CADM4: variants seen among roughly 807,000 people sequenced by gnomAD.
The protein encoded by CADM4 is TSLC1-like 2.
In CADM4, 13 loss-of-function variants were observed where a neutral mutation model predicts 43.9. The observed-to-expected ratio is 0.30, with a 90% CI of 0.19 to 0.47. The LOEUF (loss-of-function observed/expected upper bound fraction) is 0.47. CADM4 is among the 20% of genes least tolerant of loss of function. The pLI, the probability that CADM4 is intolerant of heterozygous loss-of-function variation, is 1.00. For synonymous variants in CADM4, 209 were observed against 220.9 expected (o/e 0.95, Z 0.48); for missense variants, 420 against 527.0 (o/e 0.80, Z 1.99).
At chr19:43,632,683 G>T (rs1284146289) in intron 1 of CADM4, among the ~76,000 whole-genome samples, 1 of 151,888 alleles carries the variant, frequency 6.6e-6, no homozygotes, top group Admixed American at 6.6e-5. Flanking sequence ...ATCTTCCCAG[G>T]GCTGACTCCT....
Position 43,627,937 on chromosome 19 carries a change from A to C in CADM4, c.65-147T>G. ...GCACTGAACATTTCCTGCAGGCTAG[A>C]GTCCAGGACAGGGAGGAAATCTGCT... On this transcript the variant is annotated intron_variant, in intron 1 of 8. Coordinates refer to ENST00000222374, the MANE Select transcript of CADM4 (RefSeq NM_145296.2). This position sits in a 1 kb window ranked among gnomAD's most constrained non-coding sequence, Gnocchi z 4.0. 1 of 782,916 alleles carries C rather than the reference A, an allele frequency of 1.3e-6. No individual in the cohort carries two copies. Among genetic ancestry groups the C allele is most frequent in the Non-Finnish European group, 2.0e-6 (1 of 491,770 alleles). 48.5% of individuals were successfully genotyped at this position (782,916 alleles called of 1,614,324 possible). A position where few individuals can be genotyped will look rare whatever the true frequency, so the allele number is the denominator to read the frequency against.
rs1973509029 is a variant in CADM4 at position 43,625,504 on chromosome 19, C to T, written c.756-254G>A. On this transcript the variant is annotated intron_variant, in intron 6 of 8. Coordinates refer to ENST00000222374, the MANE Select transcript of CADM4 (RefSeq NM_145296.2). The surrounding 1 kb of genome is among the most constrained non-coding windows in gnomAD (Gnocchi z 4.5). ...ATCCCAGCACTTTAGGAGGCTGAGA[C>T]GGGAGGACTGCTTAAGGCCAGCAGT... is the stretch of plus-strand genomic sequence containing the variant. Among the ~76,000 whole-genome samples, 1 of 152,080 alleles carries T rather than the reference C, an allele frequency of 6.6e-6. No homozygotes were observed. Among genetic ancestry groups the T allele is most frequent in the Admixed American group, 6.6e-5 (1 of 15,266 alleles).
At chr19:43,624,017 C>A (rs530557118) in intron 8 of CADM4, 97 bp downstream of exon 8, 1 of 1,488,694 alleles carries the variant, frequency 6.7e-7, no homozygotes, top group Admixed American at 2.0e-5. Flanking sequence ...GAATCCAGAG[C>A]CTAGGCTCCG....
At chr19:43,636,447 T>G (rs909969389) in intron 1 of CADM4, among the ~76,000 whole-genome samples, 1 of 152,078 alleles carries the variant, frequency 6.6e-6, no homozygotes, top group African/African-American at 2.4e-5. Flanking sequence ...GAGCCCAGGC[T>G]CAGCACCTGC....
rs1383289490 is a variant in CADM4 at position 43,623,604 on chromosome 19, GAGAA to G, written c.1058-169_1058-166del. On this transcript the variant is annotated intron_variant, in intron 8 of 8. Transcript: ENST00000222374. The surrounding 1 kb of genome is among the most constrained non-coding windows in gnomAD (Gnocchi z 4.4). The stretch of plus-strand genomic sequence containing the variant: ...GCAGAGAAAGAGGTAAACAGTGGCA[GAGAA>G]AGAGGTAAAAGCAGAATTAGGAAGA... Among the ~76,000 whole-genome samples the G allele has an allele frequency of 6.6e-6, 1 of 152,148 alleles. No homozygotes were observed. Among genetic ancestry groups the G allele is most frequent in the Non-Finnish European group, 1.5e-5 (1 of 68,022 alleles).
At chr19:43,638,778 C>T (rs544390578) in intron 1 of CADM4, among the ~76,000 whole-genome samples, 6 of 152,324 alleles carry the variant, frequency 3.9e-5, no homozygotes, top group Admixed American at 6.5e-5. Flanking sequence ...TGTGCCTACA[C>T]GCCAAGGTCC....
rs1973555237 is a variant in CADM4, at chr19:43,627,851, T to C, written c.65-61A>G. ...TACTGAGAGCTGCAATTCAATTTTT[T>C]CTTTCTCCCTCTTCCCCATCCAAAC... On this transcript the variant is annotated intron_variant, in intron 1 of 8. Coordinates refer to ENST00000222374, the MANE Select transcript of CADM4 (RefSeq NM_145296.2). The surrounding 1 kb of genome is among the most constrained non-coding windows in gnomAD (Gnocchi z 4.0). 2 of 1,516,750 alleles carry C rather than the reference T, an allele frequency of 1.3e-6. No individual in the cohort carries two copies. The highest frequency in any genetic ancestry group is 1.8e-6 in the Non-Finnish European group (2 of 1,106,998). The allele number at this position is 1,516,750 out of a possible 1,614,324, so 94.0% of individuals were successfully genotyped here.
At position 43,630,157 on chromosome 19, in the gene CADM4, G is replaced by A. The variant is rs191894168; in HGVS notation, c.65-2367C>T. On this transcript the variant is annotated intron_variant, in intron 1 of 8. Transcript: ENST00000222374. Reference sequence around the variant, plus strand: ...CGAGCTCAAGTGAACTGCCTGCTTCGGCCTCCCAAAGTGCTGGGATTACAG... The same window carrying A: ...CGAGCTCAAGTGAACTGCCTGCTTCAGCCTCCCAAAGTGCTGGGATTACAG... Among the ~76,000 whole-genome samples the A allele has an allele frequency of 1.9e-3, 291 of 151,794 alleles. 3 individuals are homozygous for A. The highest frequency in any genetic ancestry group is 6.4e-3 in the African/African-American group (265 of 41,364).
At position 43,626,964 on chromosome 19, in the gene CADM4, G is replaced by C; in HGVS notation, c.365-46C>G. 1 of 1,534,422 alleles carries C rather than the reference G, an allele frequency of 6.5e-7. No homozygotes were observed. Among genetic ancestry groups the C allele is most frequent in the Non-Finnish European group, 8.8e-7 (1 of 1,138,830 alleles). Reference sequence around the variant, plus strand: ...GTAAGGGGTTAAAGAAGGCACGAACGTGGGCTCAAAGCGATCGAGCTGCCT... The same window carrying C: ...GTAAGGGGTTAAAGAAGGCACGAACCTGGGCTCAAAGCGATCGAGCTGCCT... On this transcript the variant is annotated intron_variant, in intron 3 of 8. Transcript: ENST00000222374. The surrounding 1 kb of genome is among the most constrained non-coding windows in gnomAD (Gnocchi z 5.9).
At chr19:43,636,213 C>T (rs947356909) in intron 1 of CADM4, among the ~76,000 whole-genome samples, 7 of 152,140 alleles carry the variant, frequency 4.6e-5, no homozygotes, top group Non-Finnish European at 1.0e-4. Flanking sequence ...TCAGCAACCT[C>T]ACACACAAAG....
chr19:43,628,443 AAAG>A, intron 1 of CADM4, among the ~76,000 whole-genome samples: 1 of 151,782 alleles, frequency 6.6e-6, no homozygotes, highest in East Asian at 1.9e-4. Context: ...TCAAAAAAAA[AAAG>A]AAAGAAAAAA....
chr19:43,633,938 C>T (rs1184446024), intron 1 of CADM4, among the ~76,000 whole-genome samples: 1 of 151,972 alleles, frequency 6.6e-6, no homozygotes, highest in African/African-American at 2.4e-5. Context: ...TCAAGCAATC[C>T]CCCTGCCTTG....
chr19:43,623,847 C>CG lies in CADM4; in HGVS notation c.1057+266dup, dbSNP rs2146133318. On this transcript the variant is annotated intron_variant, in intron 8 of 8. Transcript: ENST00000222374. The surrounding 1 kb of genome is among the most constrained non-coding windows in gnomAD (Gnocchi z 4.4). ...CTCCTAGCTTCTCAAGTGCTTTATC[C>CG]GCCTTGGCCTCCCAACGTGCTGGGA... is the stretch of plus-strand genomic sequence containing the variant. Among the ~76,000 whole-genome samples the CG allele has an allele frequency of 6.6e-6, 1 of 152,332 alleles. No homozygotes were observed. The highest frequency in any genetic ancestry group is 1.9e-4 in the East Asian group (1 of 5,178).
At chr19:43,630,094 G>A (rs1370277627) in intron 1 of CADM4, among the ~76,000 whole-genome samples, 1 of 150,730 alleles carries the variant, frequency 6.6e-6, no homozygotes, top group Admixed American at 6.6e-5. Context: ...TTTTAGAGAC[G>A]GAGTTTCACC....
chr19:43,639,344 A>G lies in CADM4; in HGVS notation c.64+383T>C, dbSNP rs1973741176. Among the ~76,000 whole-genome samples the G allele has an allele frequency of 2.7e-5, 4 of 148,616 alleles. No homozygotes were observed. In the South Asian group the frequency reaches 9.1e-4, roughly 34 times the overall value. On this transcript the variant is annotated intron_variant, in intron 1 of 8. Transcript: ENST00000222374. Reference sequence around the variant, plus strand: ...GGACAGGACTTCGAGACTGAGGGATAGAGGACAAGGGTAGGGGGACGAGGA... The same window carrying G: ...GGACAGGACTTCGAGACTGAGGGATGGAGGACAAGGGTAGGGGGACGAGGA...
Position 43,625,038 on chromosome 19 carries a change from G to GGCCCCCCC in CADM4, c.928+39_928+40insGGGGGGGC. On this transcript the variant is annotated intron_variant, in intron 7 of 8. Transcript: ENST00000222374. This position sits in a 1 kb window ranked among gnomAD's most constrained non-coding sequence, Gnocchi z 4.5. ...TCAAGCCCCGCCCCCGCCACCTGGC[G>GGCCCCCCC]CCCCGCCCCCGCCCTCAGTCGGCCG... 1 of 1,269,636 alleles carries GGCCCCCCC rather than the reference G, an allele frequency of 7.9e-7. No individual in the cohort carries two copies. The highest frequency in any genetic ancestry group is 1.6e-5 in the African/African-American group (1 of 62,666). The allele number at this position is 1,269,636 out of a possible 1,614,324, so 78.6% of individuals were successfully genotyped here. A position where few individuals can be genotyped will look rare whatever the true frequency, so the allele number is the denominator to read the frequency against.
chr19:43,624,916 G>A lies in CADM4; in HGVS notation c.928+162C>T, dbSNP rs544242955. ...CAGGTTCGGTTACCTGCAATAGAAT[G>A]CAGCCAACCCGAATTTGAGCCCCGC... is the stretch of plus-strand genomic sequence containing the variant. On this transcript the variant is annotated intron_variant, in intron 7 of 8. Transcript: ENST00000222374. 6 of 707,544 alleles carry A rather than the reference G, an allele frequency of 8.5e-6. No homozygotes were observed. In the East Asian group the frequency reaches 1.7e-4, roughly 20 times the overall value. 43.8% of individuals were successfully genotyped at this position (707,544 alleles called of 1,614,324 possible).
Position 43,627,882 on chromosome 19 carries a change from A to C in CADM4, c.65-92T>G. On this transcript the variant is annotated intron_variant, in intron 1 of 8. Transcript: ENST00000222374. This position sits in a 1 kb window ranked among gnomAD's most constrained non-coding sequence, Gnocchi z 4.0. ...TCCCTCTTCCCCATCCAAACCTCCAATCCCTCTCTTTCCCCTCATTCATTC... is the reference window on the plus strand; with the variant it reads ...TCCCTCTTCCCCATCCAAACCTCCACTCCCTCTCTTTCCCCTCATTCATTC... 2 of 1,254,180 alleles carry C rather than the reference A, an allele frequency of 1.6e-6. No individual in the cohort carries two copies. The highest frequency in any genetic ancestry group is 1.4e-5 in the South Asian group (1 of 73,840). 77.7% of individuals were successfully genotyped at this position (1,254,180 alleles called of 1,614,324 possible). A position where few individuals can be genotyped will look rare whatever the true frequency, so the allele number is the denominator to read the frequency against.
rs566230407 is a variant in CADM4 at position 43,634,970 on chromosome 19, A to G, written c.64+4757T>C. On this transcript the variant is annotated intron_variant, in intron 1 of 8. Coordinates refer to ENST00000222374, the MANE Select transcript of CADM4 (RefSeq NM_145296.2). ...GCCCCCTTCTCGATCAGGACCCAGG[A>G]GTCTGGGCTGTCAGCAGCCCCTTCC... Among the ~76,000 whole-genome samples the G allele has an allele frequency of 3.2e-4, 48 of 152,022 alleles. 1 individual carries two copies. Among genetic ancestry groups the G allele is most frequent in the African/African-American group, 9.6e-4 (40 of 41,460 alleles).
Sources: gnomAD v4.1 joint callset for allele counts (sites outside exome capture counted in the v4.1 genomes callset) on GRCh38, gnomAD v4.1.1 for gene constraint, Gnocchi (gnomAD v3.1) non-coding constraint, MANE v1.5 for transcripts, NCBI Gene and HGNC (gene_info 2026-07-23, HGNC 2026-07-21) for gene names.